The following MACROD2 variants were observed in gnomAD, a reference collection of about 807,000 sequenced individuals.
The protein encoded by MACROD2 is mono-ADP ribosylhydrolase 2.
MACROD2 carries 36 observed loss-of-function variants against 70.4 expected under a neutral mutation model. That is an observed-to-expected ratio of 0.51 (90% CI 0.39 to 0.68). The LOEUF is 0.68. Ranked by LOEUF, MACROD2 falls within the 30% of genes least tolerant of loss-of-function variation. The pLI, the probability that MACROD2 is intolerant of heterozygous loss-of-function variation, is 0.00. For missense variants in MACROD2, 496 were observed against 538.4 expected (o/e 0.92, Z 0.78); for synonymous variants, 172 against 178.8 (o/e 0.96, Z 0.30).
chr20:15,158,839 A>G (rs1350375572), intron 5 of MACROD2, among the ~76,000 whole-genome samples: 1 of 152,208 alleles, frequency 6.6e-6, no homozygotes, highest in Non-Finnish European at 1.5e-5. Flanking sequence ...AAGTAATTCA[A>G]GAGCTTTGAC....
chr20:15,634,595 T>C (rs2049337106), intron 8 of MACROD2, among the ~76,000 whole-genome samples: 1 of 152,174 alleles, frequency 6.6e-6, no homozygotes, highest in South Asian at 2.1e-4. Context: ...TTACTTACCT[T>C]ATGGGGATTA....
At chr20:14,349,029 C>T (rs115233801) in intron 3 of MACROD2, among the ~76,000 whole-genome samples, 2,268 of 152,178 alleles carry the variant, frequency 0.015, 25 homozygotes, top group African/African-American at 0.027. Flanking sequence ...GATCACCCCA[C>T]TGTATTCCTG....
chr20:14,970,024 G>A (rs920541666), intron 5 of MACROD2, among the ~76,000 whole-genome samples: 6 of 151,920 alleles, frequency 3.9e-5, no homozygotes, highest in South Asian at 2.1e-4. Context: ...CCATTCTCAC[G>A]CTGCTATGAA....
chr20:14,997,132 G>GAC (rs988228306), intron 5 of MACROD2, among the ~76,000 whole-genome samples: 2 of 152,160 alleles, frequency 1.3e-5, no homozygotes, highest in African/African-American at 2.4e-5. Flanking sequence ...CACTGGGAAA[G>GAC]ACTCCTTTCC....
At chr20:14,296,156 A>G (rs532330390) in intron 3 of MACROD2, among the ~76,000 whole-genome samples, 1 of 151,918 alleles carries the variant, frequency 6.6e-6, no homozygotes, top group Non-Finnish European at 1.5e-5. Flanking sequence ...CCCATAGACT[A>G]TGAGTCAGTT....
intron 8 of MACROD2, among the ~76,000 whole-genome samples, chr20:15,702,207 T>C (rs943016719): frequency 1.3e-5 from 2 of 152,238 alleles, no homozygotes; most frequent in African/African-American, 4.8e-5. Flanking sequence ...GGTCAAATGG[T>C]ATTTCTATTT....
At chr20:15,791,054 A>G (rs999794865) in intron 8 of MACROD2, among the ~76,000 whole-genome samples, 3 of 151,840 alleles carry the variant, frequency 2.0e-5, no homozygotes, top group African/African-American at 7.2e-5. Context: ...ATTTTTCAAA[A>G]GGTCTAAAAC....
chr20:15,125,119 G>T (rs1039877601), intron 5 of MACROD2, among the ~76,000 whole-genome samples: 7 of 152,024 alleles, frequency 4.6e-5, no homozygotes, highest in African/African-American at 1.7e-4. Context: ...ATTATAGAAA[G>T]TTTTAAAATT....
At position 14,402,031 on chromosome 20, in the gene MACROD2, T is replaced by C. The variant is rs182427398; in HGVS notation, c.272-91448T>C. On this transcript the variant is annotated intron_variant, in intron 3 of 17. Coordinates refer to ENST00000684519, the MANE Select transcript of MACROD2 (RefSeq NM_001351661.2). Reference sequence around the variant, plus strand: ...TCAATTATTTTAATATACTTAGATATAGAAATATTTTCATGGTACAGAGTA... The same window carrying C: ...TCAATTATTTTAATATACTTAGATACAGAAATATTTTCATGGTACAGAGTA... 4.1e-3 allele frequency among the ~76,000 whole-genome samples: 620 copies of C among 152,296 alleles called. 4 individuals carry two copies. The highest frequency in any genetic ancestry group is 9.7e-3 in the South Asian group (47 of 4,826).
chr20:15,007,304 C>T (rs968468212), intron 5 of MACROD2, among the ~76,000 whole-genome samples: 9 of 151,658 alleles, frequency 5.9e-5, no homozygotes, highest in East Asian at 1.9e-4. Context: ...TTGGAGGTTG[C>T]GGTGAGCCGA....
chr20:15,300,045 A>C (rs2077627364), intron 6 of MACROD2, among the ~76,000 whole-genome samples: 1 of 152,216 alleles, frequency 6.6e-6, no homozygotes, highest in Non-Finnish European at 1.5e-5. Flanking sequence ...GACGTAGTCC[A>C]TGATACCAAT....
intron 3 of MACROD2, among the ~76,000 whole-genome samples, chr20:14,384,652 C>T (rs1253336467): frequency 6.6e-6 from 1 of 152,116 alleles, no homozygotes; most frequent in East Asian, 1.9e-4. Context: ...ACTAAACAAG[C>T]AAATGCGTTG....
At chr20:14,468,233 G>T (rs2084480931) in intron 3 of MACROD2, among the ~76,000 whole-genome samples, 1 of 151,856 alleles carries the variant, frequency 6.6e-6, no homozygotes, top group Non-Finnish European at 1.5e-5. Context: ...CACTATTATT[G>T]TGTGGGAGTC....
intron 5 of MACROD2, among the ~76,000 whole-genome samples, chr20:15,148,118 G>T (rs465330): frequency 0.59 from 88,675 of 150,970 alleles, 26,272 homozygotes; most frequent in East Asian, 0.65. Context: ...GAAAATTTTT[G>T]GGGGGTGGTA....
chr20:15,204,907 T>C (rs1163359505), intron 5 of MACROD2, among the ~76,000 whole-genome samples: 1 of 152,026 alleles, frequency 6.6e-6, no homozygotes, highest in Non-Finnish European at 1.5e-5. Context: ...CCACCAGCAA[T>C]TGAGTTGCCA....
intron 8 of MACROD2, among the ~76,000 whole-genome samples, chr20:15,553,092 T>C (rs560122110): frequency 2.0e-5 from 3 of 152,338 alleles, no homozygotes; most frequent in African/African-American, 7.2e-5. Context: ...AGGAAATTAT[T>C]CTTTTTAGAT....
intron 3 of MACROD2, among the ~76,000 whole-genome samples, chr20:14,116,658 TTGA>T (rs2054517270): frequency 6.6e-6 from 1 of 152,228 alleles, no homozygotes; most frequent in African/African-American, 2.4e-5. Context: ...GCAGACTGTG[TTGA>T]TTTTTTCCTG....
intron 6 of MACROD2, among the ~76,000 whole-genome samples, chr20:15,404,000 A>T (rs1400612961): frequency 6.6e-6 from 1 of 152,204 alleles, no homozygotes; most frequent in East Asian, 1.9e-4. Context: ...TACTTCCAGG[A>T]CTCAAATAGG....
chr20:14,085,475 C>G (rs1290145748), intron 2 of MACROD2, 146 bp from the exon 3 acceptor site: 2 of 429,006 alleles, frequency 4.7e-6, no homozygotes, highest in Admixed American at 4.1e-5. Context: ...TAAACCACAC[C>G]CCTTGTACTT....
Sources: gnomAD v4.1 joint callset for allele counts (sites outside exome capture counted in the v4.1 genomes callset) on GRCh38, gnomAD v4.1.1 for gene constraint, MANE v1.5 for transcripts, NCBI Gene and HGNC (gene_info 2026-07-23, HGNC 2026-07-21) for gene names.